The following ENAH variants were observed in gnomAD, a reference collection of about 807,000 sequenced individuals.
The protein encoded by ENAH is protein enabled homolog.
In ENAH, 23 loss-of-function variants were observed where a neutral mutation model predicts 78.7. The observed-to-expected ratio is 0.29, with a 90% CI of 0.21 to 0.41. The LOEUF (loss-of-function observed/expected upper bound fraction) is 0.41. Ranked by LOEUF, ENAH falls within the 10% of genes least tolerant of loss-of-function variation. The pLI, the probability that ENAH is intolerant of heterozygous loss-of-function variation, is 1.00. For synonymous variants in ENAH, 226 were observed against 241.0 expected (o/e 0.94, Z 0.58); for missense variants, 544 against 691.0 (o/e 0.79, Z 2.39).
At chr1:225,648,758 C>CTTTTTT (rs57529265) in intron 1 of ENAH, among the ~76,000 whole-genome samples, 1 of 134,694 alleles carries the variant, frequency 7.4e-6, no homozygotes. Flanking sequence ...AGATTATCTC[C>CTTTTTT]TTTTTTTTTT....
chr1:225,553,954 C>A (rs1044042275), intron 3 of ENAH, among the ~76,000 whole-genome samples: 3 of 152,190 alleles, frequency 2.0e-5, no homozygotes, highest in African/African-American at 7.2e-5. Context: ...ATTTGACAGA[C>A]TAACACACCA....
chr1:225,552,091 T>C (rs999204736), intron 3 of ENAH, among the ~76,000 whole-genome samples: 7 of 151,812 alleles, frequency 4.6e-5, no homozygotes, highest in African/African-American at 1.2e-4. Context: ...CACTGGAGAA[T>C]CTGCGTAAGA....
rs983577188 is a variant in ENAH, at chr1:225,490,497, C to T, written c.*7278G>A. ...CTGAGGCAGGAAAATCCCTTTGAAC[C>T]CAGGGGGGGGAAGTTGCAGTGAGCC... On this transcript the variant is annotated 3_prime_UTR_variant, in exon 14 of 14. Transcript: ENST00000366843. 6.6e-5 allele frequency: 10 copies of T among 151,934 alleles called. No individual in the cohort carries two copies. Among genetic ancestry groups the T allele is most frequent in the African/African-American group, 2.4e-4 (10 of 41,316 alleles). 9.4% of individuals were successfully genotyped at this position (151,934 alleles called of 1,614,324 possible). A position where few individuals can be genotyped will look rare whatever the true frequency, so the allele number is the denominator to read the frequency against.
At chr1:225,560,034 C>G (rs180714160) in intron 2 of ENAH, among the ~76,000 whole-genome samples, 1 of 152,300 alleles carries the variant, frequency 6.6e-6, no homozygotes, top group Non-Finnish European at 1.5e-5. Context: ...GTAACTTGGC[C>G]AAAGGAGACA....
chr1:225,551,032 A>C (rs17502040), intron 3 of ENAH, among the ~76,000 whole-genome samples: 1 of 152,204 alleles, frequency 6.6e-6, no homozygotes, highest in Non-Finnish European at 1.5e-5. Flanking sequence ...ATAAAAATCT[A>C]TAAATGTACT....
rs1202534714 is a variant in ENAH at position 225,489,263 on chromosome 1, G to C, written c.*8512C>G. 1 of 152,064 alleles carries C rather than the reference G, an allele frequency of 6.6e-6. No individual in the cohort carries two copies. Among genetic ancestry groups the C allele is most frequent in the Non-Finnish European group, 1.5e-5 (1 of 68,024 alleles). 9.4% of individuals were successfully genotyped at this position (152,064 alleles called of 1,614,324 possible). A position where few individuals can be genotyped will look rare whatever the true frequency, so the allele number is the denominator to read the frequency against. ...ATGATTGGAATCAGTCTTTCTGAAC[G>C]GCAGAATGTGCTTCCAGGTTGAAGC... On this transcript the variant is annotated 3_prime_UTR_variant, in exon 14 of 14. Coordinates refer to ENST00000366843, the MANE Select transcript of ENAH (RefSeq NM_018212.6).
intron 3 of ENAH, among the ~76,000 whole-genome samples, chr1:225,531,576 G>A (rs1463765343): frequency 6.6e-6 from 1 of 152,110 alleles, no homozygotes; most frequent in South Asian, 2.1e-4. Flanking sequence ...TCTTGGAGAA[G>A]AATATATGAG....
At chr1:225,596,104 AT>A (rs1418850161) in intron 1 of ENAH, among the ~76,000 whole-genome samples, 2 of 152,104 alleles carry the variant, frequency 1.3e-5, no homozygotes, top group African/African-American at 4.8e-5. Context: ...AAGCTGGCTT[AT>A]TTTTTTATTC....
chr1:225,520,761 G>A (rs772497049), intron 4 of ENAH, among the ~76,000 whole-genome samples: 3 of 152,104 alleles, frequency 2.0e-5, no homozygotes, highest in Non-Finnish European at 4.4e-5. Context: ...GAGGCTGAGG[G>A]AGAAGGATTG....
chr1:225,509,446 T>C (rs2096359559), intron 10 of ENAH, among the ~76,000 whole-genome samples: 1 of 152,216 alleles, frequency 6.6e-6, no homozygotes, highest in African/African-American at 2.4e-5. Flanking sequence ...AGGGCTCATC[T>C]GGTTCAGCTG....
At chr1:225,602,079 T>C (rs1184838434) in intron 1 of ENAH, among the ~76,000 whole-genome samples, 2 of 152,000 alleles carry the variant, frequency 1.3e-5, no homozygotes, top group African/African-American at 2.4e-5. Context: ...GATAAAATTC[T>C]AGTAAGATTC....
At chr1:225,648,900 A>C (rs1053205080) in intron 1 of ENAH, among the ~76,000 whole-genome samples, 4 of 152,046 alleles carry the variant, frequency 2.6e-5, no homozygotes, top group Non-Finnish European at 5.9e-5. Context: ...CAAAGACCCT[A>C]AGGAAGGAAA....
chr1:225,638,287 T>A (rs1660415328), intron 1 of ENAH, among the ~76,000 whole-genome samples: 1 of 152,052 alleles, frequency 6.6e-6, no homozygotes, highest in Admixed American at 6.6e-5. Flanking sequence ...CTCCTGAGTA[T>A]AGCTAGGACT....
chr1:225,498,276 T>C (rs2096260917), intron 13 of ENAH, 71 bp downstream of exon 13: 1 of 1,259,410 alleles, frequency 7.9e-7, no homozygotes, highest in Non-Finnish European at 1.1e-6. Flanking sequence ...ATTTCCTTAT[T>C]TGCATTTTCT....
intron 1 of ENAH, among the ~76,000 whole-genome samples, chr1:225,598,815 AC>A (rs1425969594): frequency 1.4e-4 from 21 of 151,960 alleles, no homozygotes; most frequent in Non-Finnish European, 1.5e-5. Flanking sequence ...ATGGAAAATC[AC>A]CATTTAAAAC....
At chr1:225,555,539 AC>A (rs1190276307) in intron 2 of ENAH, among the ~76,000 whole-genome samples, 1 of 151,740 alleles carries the variant, frequency 6.6e-6, no homozygotes, top group Non-Finnish European at 1.5e-5. Context: ...CCAAGATCAC[AC>A]CACTGCACTC....
At chr1:225,642,321 T>C (rs1226744860) in intron 1 of ENAH, among the ~76,000 whole-genome samples, 1 of 152,132 alleles carries the variant, frequency 6.6e-6, no homozygotes, top group African/African-American at 2.4e-5. Flanking sequence ...GACTTTGGGC[T>C]TGACCATATG....
intron 3 of ENAH, among the ~76,000 whole-genome samples, chr1:225,541,769 G>A (rs930670682): frequency 2.6e-5 from 4 of 152,166 alleles, no homozygotes; most frequent in Middle Eastern, 3.4e-3. Flanking sequence ...AATAGCACAC[G>A]ACTTTATCAT....
chr1:225,525,945 T>G (rs757434904), intron 4 of ENAH, among the ~76,000 whole-genome samples: 4 of 152,136 alleles, frequency 2.6e-5, no homozygotes, highest in Non-Finnish European at 4.4e-5. Flanking sequence ...TTTTTTGACC[T>G]AAACCAGAAG....
Sources: allele counts gnomAD v4.1 joint callset (sites outside exome capture counted in the v4.1 genomes callset), GRCh38; gene constraint gnomAD v4.1.1; transcripts MANE v1.5; gene names NCBI Gene and HGNC (gene_info 2026-07-23, HGNC 2026-07-21).